Variants in PPP4R4 observed in about 807,000 individuals in gnomAD.
PPP4R4 encodes serine/threonine-protein phosphatase 4 regulatory subunit 4.
Under a neutral mutation model 121.8 loss-of-function variants are expected in PPP4R4, and 70 were observed. That is an observed-to-expected ratio of 0.57 (90% confidence interval 0.47 to 0.70). The LOEUF (loss-of-function observed/expected upper bound fraction) is 0.70, where lower values mean the gene tolerates loss of function less well. Ranked by LOEUF, PPP4R4 falls within the 30% of genes least tolerant of loss-of-function variation. PPP4R4 has a pLI of 0.00. For synonymous variants in PPP4R4, 348 were observed against 355.7 expected (o/e 0.98, Z 0.24); for missense variants, 875 against 1,033.6 (o/e 0.85, Z 2.10).
At chr14:94,229,199 G>A (rs934883448) in intron 3 of PPP4R4, among the ~76,000 whole-genome samples, 3 of 152,146 alleles carry the variant, frequency 2.0e-5, no homozygotes, top group African/African-American at 7.2e-5. Flanking sequence ...TCAGGGACTG[G>A]TTAAAGGTTT....
At chr14:94,252,009 A>C (rs978104780) in intron 16 of PPP4R4, 113 bp downstream of exon 16, 1 of 897,890 alleles carries the variant, frequency 1.1e-6, no homozygotes, top group Non-Finnish European at 1.6e-6. Flanking sequence ...AAGAATTTAC[A>C]CGTGCTTTGA....
At chr14:94,260,112 A>T (rs1426967969) in intron 19 of PPP4R4, among the ~76,000 whole-genome samples, 1 of 152,156 alleles carries the variant, frequency 6.6e-6, no homozygotes, top group Non-Finnish European at 1.5e-5. Context: ...TGCTTAACTT[A>T]AAAATAAAAT....
chr14:94,272,557 G>GTTA (rs1332596965), intron 23 of PPP4R4, among the ~76,000 whole-genome samples: 3 of 151,204 alleles, frequency 2.0e-5, no homozygotes, highest in Non-Finnish European at 4.4e-5. Context: ...ATTCCTAGAA[G>GTTA]TTAACATAGG....
intron 3 of PPP4R4, among the ~76,000 whole-genome samples, chr14:94,218,924 TAA>T (rs2139486576): frequency 6.6e-6 from 1 of 152,058 alleles, no homozygotes; most frequent in East Asian, 1.9e-4. Flanking sequence ...AAGCAAAAAT[TAA>T]AAAGTCAACT....
rs886136159 is a variant in PPP4R4, at chr14:94,267,026, G to T, written c.2446G>T (p.Ala816Ser). Residue 816 changes from alanine to serine, a missense_variant, in exon 23 of 25, where the codon GCT (alanine) becomes TCT (serine). By Grantham distance (99) the Ala-to-Ser change is moderately conservative. Transcript: ENST00000304338. ...GLGKTSVLSLADDSFRTRNAS... is the reference protein window; with the variant it reads ...GLGKTSVLSLSDDSFRTRNAS... The stretch of plus-strand genomic sequence containing the variant: ...AGGAAAGACTTCTGTGCTTTCACTA[G>T]CTGGTAAGTAGCAATCTAAGTTCTT... 1 of 1,583,672 alleles carries T rather than the reference G, an allele frequency of 6.3e-7. No individual in the cohort carries two copies. The highest frequency in any genetic ancestry group is 1.4e-5 in the African/African-American group (1 of 73,906).
At chr14:94,182,288 A>T (rs1282527488) in intron 2 of PPP4R4, among the ~76,000 whole-genome samples, 2 of 152,202 alleles carry the variant, frequency 1.3e-5, no homozygotes, top group Non-Finnish European at 2.9e-5. Flanking sequence ...GCGAACTTTG[A>T]ATGTATGCAG....
At chr14:94,224,330 A>G (rs908363319) in intron 3 of PPP4R4, among the ~76,000 whole-genome samples, 2 of 152,218 alleles carry the variant, frequency 1.3e-5, no homozygotes, top group East Asian at 3.8e-4. Context: ...AAAATGAATC[A>G]GAAGAGAGTG....
At chr14:94,218,282 A>G (rs1891138060) in intron 3 of PPP4R4, among the ~76,000 whole-genome samples, 1 of 152,156 alleles carries the variant, frequency 6.6e-6, no homozygotes, top group South Asian at 2.1e-4. Context: ...AGGACAAAGC[A>G]TAGATCTAAG....
chr14:94,245,584 A>G lies in PPP4R4; in HGVS notation c.1345-3A>G. 1 of 1,529,336 alleles carries G rather than the reference A, an allele frequency of 6.5e-7. No homozygotes were observed. The highest frequency in any genetic ancestry group is 9.0e-7 in the Non-Finnish European group (1 of 1,114,808). The allele number at this position is 1,529,336 out of a possible 1,614,324, so 94.7% of individuals were successfully genotyped here. A position where few individuals can be genotyped will look rare whatever the true frequency, so the allele number is the denominator to read the frequency against. ...TAACAGTAATCAATATCTCTGTTAAAAGGTACTAGATGCTCTTATAGATCA... is the reference window on the plus strand; with the variant it reads ...TAACAGTAATCAATATCTCTGTTAAGAGGTACTAGATGCTCTTATAGATCA... On this transcript the variant is annotated splice_polypyrimidine_tract_variant and splice_region_variant and intron_variant, in intron 12 of 24. Coordinates refer to ENST00000304338, the MANE Select transcript of PPP4R4 (RefSeq NM_058237.2).
rs187645565 is a variant in PPP4R4, at chr14:94,260,191, C to T, written c.2127+822C>T. Among the ~76,000 whole-genome samples the T allele has an allele frequency of 9.2e-5, 14 of 152,074 alleles. 1 individual carries two copies. Among genetic ancestry groups the T allele is most frequent in the African/African-American group, 3.1e-4 (13 of 41,492 alleles). ...TGTAATCCTAGCACTTTTGGGAGGC[C>T]GAGGCAGACGGATCACGAGGTCAGG... On this transcript the variant is annotated intron_variant, in intron 19 of 24. Coordinates refer to ENST00000304338, the MANE Select transcript of PPP4R4 (RefSeq NM_058237.2).
intron 2 of PPP4R4, among the ~76,000 whole-genome samples, chr14:94,195,051 A>C (rs1254183869): frequency 6.6e-6 from 1 of 152,232 alleles, no homozygotes; most frequent in African/African-American, 2.4e-5. Context: ...GGACTAACAG[A>C]AGTTGTGAAC....
chr14:94,278,658 GA>G lies in PPP4R4; in HGVS notation c.*17del. 1 of 1,569,340 alleles carries G rather than the reference GA, an allele frequency of 6.4e-7. No homozygotes were observed. On this transcript the variant is annotated 3_prime_UTR_variant, in exon 25 of 25. Coordinates refer to ENST00000304338, the MANE Select transcript of PPP4R4 (RefSeq NM_058237.2). ...CCAATCCTTAAATCAACTGCTTGAT[GA>G]AGGAGGCAAAACAAAGGCAGCAGGA...
intron 3 of PPP4R4, among the ~76,000 whole-genome samples, chr14:94,217,497 T>A (rs1418992274): frequency 6.6e-6 from 1 of 152,102 alleles, no homozygotes; most frequent in Non-Finnish European, 1.5e-5. Flanking sequence ...AATCAAAAAT[T>A]TCTGGGCACA....
chr14:94,250,619 T>C (rs1029393019), intron 15 of PPP4R4, among the ~76,000 whole-genome samples: 8 of 152,018 alleles, frequency 5.3e-5, no homozygotes, highest in Non-Finnish European at 1.2e-4. Context: ...CCTATTTCAA[T>C]ATTCACATAA....
intron 3 of PPP4R4, 102 bp downstream of exon 3, chr14:94,208,668 C>T (rs1412961921): frequency 2.5e-6 from 2 of 788,204 alleles, no homozygotes; most frequent in African/African-American, 3.5e-5. Context: ...TCTTTTGCAC[C>T]TAAAAATTGA....
In PPP4R4 at chr14:94,232,681, A is replaced by T. The variant is rs556113996; in HGVS notation, c.517-972A>T. On this transcript the variant is annotated intron_variant, in intron 5 of 24. Transcript: ENST00000304338. ...AAACAAGCCAGTTGACTATAGAGTCATAGAATTTTAGAAATTAAAGAGATC... is the reference window on the plus strand; with the variant it reads ...AAACAAGCCAGTTGACTATAGAGTCTTAGAATTTTAGAAATTAAAGAGATC... 1.8e-4 allele frequency among the ~76,000 whole-genome samples: 28 copies of T among 152,356 alleles called. No individual in the cohort carries two copies. The South Asian group carries it at 5.4e-3, about 29-fold the overall frequency.
intron 19 of PPP4R4, among the ~76,000 whole-genome samples, chr14:94,263,000 C>T (rs1037465474): frequency 1.3e-5 from 2 of 152,054 alleles, no homozygotes; most frequent in Non-Finnish European, 2.9e-5. Context: ...ATTGTTGATG[C>T]TTCTTTATGA....
chr14:94,233,536 G>A (rs940978635), intron 5 of PPP4R4, 117 bp from the exon 6 acceptor site: 47 of 630,002 alleles, frequency 7.5e-5, no homozygotes, highest in Non-Finnish European at 1.1e-4. Flanking sequence ...ACCTCAAATC[G>A]TAATTCAGGT....
At chr14:94,252,968 C>G (rs1258390326) in intron 16 of PPP4R4, among the ~76,000 whole-genome samples, 2 of 152,148 alleles carry the variant, frequency 1.3e-5, no homozygotes, top group Non-Finnish European at 2.9e-5. Context: ...GATGAATTGT[C>G]AAAAGATACC....
Sources: gnomAD v4.1 joint callset for allele counts (sites outside exome capture counted in the v4.1 genomes callset) on GRCh38, gnomAD v4.1.1 for gene constraint, MANE v1.5 for transcripts, NCBI Gene and HGNC (gene_info 2026-07-23, HGNC 2026-07-21) for gene names.